The following CCDC192 variants were observed in gnomAD, a reference collection of about 807,000 sequenced individuals.
The protein encoded by CCDC192 is coiled-coil domain-containing protein 192.
At chr5:127,710,618 A>G (rs1157171206) in intron 2 of CCDC192, among the ~76,000 whole-genome samples, 1 of 152,222 alleles carries the variant, frequency 6.6e-6, no homozygotes, top group African/African-American at 2.4e-5. Context: ...CATTTGAAAT[A>G]AAACAAACAG....
chr5:127,721,197 A>T (rs527547696), intron 2 of CCDC192, among the ~76,000 whole-genome samples: 1 of 152,264 alleles, frequency 6.6e-6, no homozygotes, highest in African/African-American at 2.4e-5. Flanking sequence ...TATTAGTTTC[A>T]GTTTCAGACC....
At chr5:127,845,944 G>A (rs549830229) in intron 5 of CCDC192, among the ~76,000 whole-genome samples, 1 of 152,042 alleles carries the variant, frequency 6.6e-6, no homozygotes. Context: ...TTCCTGCAAT[G>A]GTCTCCCTTG....
intron 5 of CCDC192, among the ~76,000 whole-genome samples, chr5:127,841,664 T>A (rs1750294009): frequency 6.6e-6 from 1 of 152,210 alleles, no homozygotes; most frequent in Non-Finnish European, 1.5e-5. Flanking sequence ...CATGCTGAGC[T>A]GCTTCTTAAC....
intron 1 of CCDC192, among the ~76,000 whole-genome samples, chr5:127,704,298 C>A (rs961504365): frequency 1.3e-5 from 2 of 152,168 alleles, no homozygotes; most frequent in Non-Finnish European, 2.9e-5. Flanking sequence ...AAGTGATTCT[C>A]CCACTTCAGC....
chr5:127,826,704 G>C (rs1749549091), intron 5 of CCDC192, among the ~76,000 whole-genome samples: 1 of 150,020 alleles, frequency 6.7e-6, no homozygotes. Flanking sequence ...TCAGTGATGG[G>C]ATCATTCATA....
chr5:127,890,521 CCTTCAT>C (rs1450073675), intron 6 of CCDC192, among the ~76,000 whole-genome samples: 1 of 151,370 alleles, frequency 6.6e-6, no homozygotes, highest in Admixed American at 6.6e-5. Flanking sequence ...CTGTTGCTTA[CCTTCAT>C]CTAGCCATCT....
intron 3 of CCDC192, among the ~76,000 whole-genome samples, chr5:127,757,776 A>G (rs1294103779): frequency 1.2e-5 from 1 of 86,512 alleles, no homozygotes; most frequent in Non-Finnish European, 2.5e-5. Context: ...TTACACACAC[A>G]CACACACACA....
chr5:127,830,696 G>C (rs1318115566), intron 5 of CCDC192, among the ~76,000 whole-genome samples: 1 of 151,588 alleles, frequency 6.6e-6, no homozygotes, highest in East Asian at 1.9e-4. Flanking sequence ...GACACAATTT[G>C]GCCCACAACA....
chr5:127,702,897 C>G (rs146953029), upstream of CCDC192, among the ~76,000 whole-genome samples: 1 of 152,222 alleles, frequency 6.6e-6, no homozygotes, highest in Non-Finnish European at 1.5e-5. Context: ...AAACTACCAG[C>G]TAATCAGGCA....
chr5:127,872,936 A>G (rs13172239), intron 5 of CCDC192, among the ~76,000 whole-genome samples: 6,535 of 152,276 alleles, frequency 0.043, 197 homozygotes, highest in Non-Finnish European at 0.065. Flanking sequence ...ATCACCATAA[A>G]AGACAGACAG....
intron 3 of CCDC192, among the ~76,000 whole-genome samples, chr5:127,773,312 T>C (rs1186307716): frequency 6.6e-6 from 1 of 152,206 alleles, no homozygotes; most frequent in Non-Finnish European, 1.5e-5. Context: ...TTCATCATTT[T>C]GAAATATACA....
chr5:127,771,644 C>A (rs1369368988), intron 3 of CCDC192, among the ~76,000 whole-genome samples: 1 of 152,138 alleles, frequency 6.6e-6, no homozygotes, highest in Non-Finnish European at 1.5e-5. Flanking sequence ...GGAGTCAAAG[C>A]CAAGTGCAGT....
intron 2 of CCDC192, among the ~76,000 whole-genome samples, chr5:127,713,876 A>G (rs1188021967): frequency 6.6e-6 from 1 of 152,138 alleles, no homozygotes; most frequent in Non-Finnish European, 1.5e-5. Flanking sequence ...CCTCTTTTCT[A>G]GCTGTTTTGA....
chr5:127,856,924 G>T (rs1396551222), intron 5 of CCDC192, among the ~76,000 whole-genome samples: 1 of 152,134 alleles, frequency 6.6e-6, no homozygotes, highest in Admixed American at 6.6e-5. Flanking sequence ...ATGATGAAAA[G>T]TCTGAAATAT....
At chr5:127,778,823 A>G (rs993588495) in intron 3 of CCDC192, among the ~76,000 whole-genome samples, 14 of 149,906 alleles carry the variant, frequency 9.3e-5, no homozygotes, top group Non-Finnish European at 2.1e-4. Flanking sequence ...GACATTTTCT[A>G]TTTCTTCTTG....
At chr5:127,708,984 G>T (rs1751129605) in intron 2 of CCDC192, among the ~76,000 whole-genome samples, 2 of 152,048 alleles carry the variant, frequency 1.3e-5, no homozygotes, top group Admixed American at 6.6e-5. Context: ...TTGGCTCGCA[G>T]TTCTGCAGGC....
chr5:127,848,834 A>G (rs1750676721), intron 5 of CCDC192, among the ~76,000 whole-genome samples: 1 of 152,232 alleles, frequency 6.6e-6, no homozygotes, highest in Non-Finnish European at 1.5e-5. Flanking sequence ...TTTAAATTTG[A>G]AAAGACACTA....
intron 2 of CCDC192, among the ~76,000 whole-genome samples, chr5:127,754,045 T>C (rs1754414733): frequency 6.6e-6 from 1 of 152,222 alleles, no homozygotes; most frequent in Non-Finnish European, 1.5e-5. Context: ...TTCATTGTCA[T>C]CATTTATTTT....
intron 2 of CCDC192, among the ~76,000 whole-genome samples, chr5:127,711,385 T>G (rs919340818): frequency 6.6e-6 from 1 of 152,186 alleles, no homozygotes; most frequent in Non-Finnish European, 1.5e-5. Context: ...TTTTAATTTG[T>G]AAGATCAAAT....
Sources: allele counts gnomAD v4.1 joint callset (sites outside exome capture counted in the v4.1 genomes callset), GRCh38; gene constraint gnomAD v4.1.1; transcripts MANE v1.5; gene names NCBI Gene and HGNC (gene_info 2026-07-23, HGNC 2026-07-21).